The following ZNF892 variants were observed in gnomAD, a reference collection of about 807,000 sequenced individuals.
ZNF892 encodes zinc finger protein 892.
At chr2:95,249,708 A>G in the ZNF892 span, among the ~76,000 whole-genome samples, 1 of 152,212 alleles carries the variant, frequency 6.6e-6, no homozygotes, top group East Asian at 1.9e-4. Flanking sequence ...TCGTAATGTA[A>G]TTTTTGGATG....
the ZNF892 span, among the ~76,000 whole-genome samples, chr2:95,247,146 G>T: frequency 1.3e-5 from 2 of 152,098 alleles, no homozygotes; most frequent in African/African-American, 4.8e-5. Flanking sequence ...TATGATACTG[G>T]TACAAAAACA....
the ZNF892 span, chr2:95,207,631 G>T: frequency 0.022 from 8,741 of 393,460 alleles, 124 homozygotes; most frequent in Non-Finnish European, 0.03. Flanking sequence ...CCAGGGTAGA[G>T]GAGGGCTGAA....
At chr2:95,229,791 G>A in the ZNF892 span, among the ~76,000 whole-genome samples, 39 of 152,074 alleles carry the variant, frequency 2.6e-4, no homozygotes, top group African/African-American at 9.4e-4. Flanking sequence ...TTTCTCTTGG[G>A]TACATATACC....
At chr2:95,239,872 C>T in the ZNF892 span, among the ~76,000 whole-genome samples, 5 of 152,158 alleles carry the variant, frequency 3.3e-5, no homozygotes, top group African/African-American at 4.8e-5. Flanking sequence ...TCAGGTGATC[C>T]ACCCACCTCG....
chr2:95,240,006 A>G, the ZNF892 span, among the ~76,000 whole-genome samples: 1 of 152,206 alleles, frequency 6.6e-6, no homozygotes, highest in East Asian at 1.9e-4. Context: ...GCAATATTTA[A>G]CATATCAAAT....
At chr2:95,251,225 A>G in the ZNF892 span, among the ~76,000 whole-genome samples, 1 of 152,130 alleles carries the variant, frequency 6.6e-6, no homozygotes, top group African/African-American at 2.4e-5. Flanking sequence ...AATCTTAGCC[A>G]TGAGTTAGGT....
the ZNF892 span, among the ~76,000 whole-genome samples, chr2:95,260,721 C>T: frequency 1.3e-5 from 2 of 152,214 alleles, no homozygotes; most frequent in African/African-American, 4.8e-5. Context: ...TGGGCCCAGG[C>T]AAACTGCTGC....
At chr2:95,253,449 G>A in the ZNF892 span, among the ~76,000 whole-genome samples, 1 of 152,198 alleles carries the variant, frequency 6.6e-6, no homozygotes, top group Non-Finnish European at 1.5e-5. Context: ...CTATATATCT[G>A]TTTTGGTACC....
At chr2:95,247,850 A>G in the ZNF892 span, among the ~76,000 whole-genome samples, 230 of 152,292 alleles carry the variant, frequency 1.5e-3, 2 homozygotes, top group Non-Finnish European at 1.0e-3. Context: ...CATGCTGGGA[A>G]GGCTATGTAG....
the ZNF892 span, among the ~76,000 whole-genome samples, chr2:95,218,434 A>G: frequency 6.6e-6 from 1 of 152,106 alleles, no homozygotes; most frequent in Non-Finnish European, 1.5e-5. Context: ...GTTCTTTGCC[A>G]CTTTATAACA....
chr2:95,233,687 A>AAG, the ZNF892 span, among the ~76,000 whole-genome samples: 1 of 148,458 alleles, frequency 6.7e-6, no homozygotes, highest in Non-Finnish European at 1.5e-5. Context: ...AAAAAAAAAA[A>AAG]AAAAAAAAAA....
chr2:95,206,518 CA>C, the ZNF892 span, among the ~76,000 whole-genome samples: 2 of 151,920 alleles, frequency 1.3e-5, no homozygotes, highest in Admixed American at 6.6e-5. Context: ...ATGCCAAAAT[CA>C]AAAAACAAAT....
At chr2:95,220,586 A>G in the ZNF892 span, among the ~76,000 whole-genome samples, 1 of 152,180 alleles carries the variant, frequency 6.6e-6, no homozygotes, top group African/African-American at 2.4e-5. Context: ...GATAGGAGAA[A>G]GTAGTGCTCC....
chr2:95,221,929 CCT>C, the ZNF892 span, among the ~76,000 whole-genome samples: 1 of 152,056 alleles, frequency 6.6e-6, no homozygotes, highest in Non-Finnish European at 1.5e-5. Context: ...CTCCTCCCTC[CCT>C]CTCTCTTCCT....
the ZNF892 span, among the ~76,000 whole-genome samples, chr2:95,219,068 A>C: frequency 0.012 from 1,787 of 152,224 alleles, 17 homozygotes; most frequent in Middle Eastern, 0.027. Flanking sequence ...GCGCGATTTC[A>C]GCTAACTGCA....
At chr2:95,251,074 C>A in the ZNF892 span, among the ~76,000 whole-genome samples, 1 of 151,264 alleles carries the variant, frequency 6.6e-6, no homozygotes, top group African/African-American at 2.4e-5. Flanking sequence ...GCTTATTATT[C>A]TTTAAGCCAG....
chr2:95,261,556 A>G, the ZNF892 span, among the ~76,000 whole-genome samples: 1 of 152,118 alleles, frequency 6.6e-6, no homozygotes, highest in Non-Finnish European at 1.5e-5. Context: ...CAGCCTCCCA[A>G]AGTGCTGGGA....
the ZNF892 span, among the ~76,000 whole-genome samples, chr2:95,249,224 TATA>T: frequency 4.7e-5 from 3 of 64,152 alleles, no homozygotes; most frequent in South Asian, 1.2e-3. Context: ...TATATATATA[TATA>T]TATATTTTTT....
chr2:95,230,629 C>T, the ZNF892 span, among the ~76,000 whole-genome samples: 1 of 152,206 alleles, frequency 6.6e-6, no homozygotes, highest in African/African-American at 2.4e-5. Flanking sequence ...CAGACCCCCG[C>T]GCTGGCTCCT....
Sources: allele counts gnomAD v4.1 joint callset (sites outside exome capture counted in the v4.1 genomes callset), GRCh38; gene constraint gnomAD v4.1.1; transcripts MANE v1.5; gene names NCBI Gene and HGNC (gene_info 2026-07-23, HGNC 2026-07-21).